The following SUPT3H variants were observed in gnomAD, a reference collection of about 807,000 sequenced individuals.
SUPT3H encodes SPT3 homolog, SAGA and STAGA complex component.
In SUPT3H, 44 loss-of-function variants were observed where a neutral mutation model predicts 44.3. The ratio of observed to expected loss-of-function variants is 0.99; its 90% CI spans 0.78 to 1.28. The LOEUF is 1.28. Ranked by LOEUF, SUPT3H falls within the 50% of genes most tolerant of loss-of-function variation. The pLI is 0.00. For synonymous variants in SUPT3H, 124 were observed against 125.6 expected (o/e 0.99, Z 0.09); for missense variants, 380 against 387.1 (o/e 0.98, Z 0.15).
chr6:45,208,134 C>A (rs926216731), intron 2 of SUPT3H, among the ~76,000 whole-genome samples: 8 of 152,148 alleles, frequency 5.3e-5, no homozygotes, highest in Non-Finnish European at 1.2e-4. Context: ...AACTTCATTG[C>A]TGATATGGAG....
intron 2 of SUPT3H, among the ~76,000 whole-genome samples, chr6:45,302,796 T>C (rs1041765193): frequency 6.6e-6 from 1 of 152,110 alleles, no homozygotes; most frequent in Non-Finnish European, 1.5e-5. Context: ...CTAGTTTACA[T>C]TCCCAACAGC....
At chr6:45,304,975 T>C (rs1390764400) in intron 2 of SUPT3H, among the ~76,000 whole-genome samples, 1 of 152,232 alleles carries the variant, frequency 6.6e-6, no homozygotes, top group African/African-American at 2.4e-5. Flanking sequence ...TGGCCTGATC[T>C]TCTTTTTGAA....
At chr6:44,902,797 A>C (rs1299801853) in intron 10 of SUPT3H, among the ~76,000 whole-genome samples, 1 of 152,210 alleles carries the variant, frequency 6.6e-6, no homozygotes, top group Non-Finnish European at 1.5e-5. Context: ...ACTCCTCAGC[A>C]AATGCAAAAG....
At chr6:45,147,780 G>A (rs536969597) in intron 2 of SUPT3H, among the ~76,000 whole-genome samples, 2 of 152,004 alleles carry the variant, frequency 1.3e-5, no homozygotes, top group Admixed American at 1.3e-4. Flanking sequence ...AAATCTTAGT[G>A]CTAGAAACAG....
chr6:45,139,169 C>T (rs1172632621), intron 2 of SUPT3H, among the ~76,000 whole-genome samples: 1 of 152,020 alleles, frequency 6.6e-6, no homozygotes, highest in East Asian at 1.9e-4. Flanking sequence ...AAAATCAAAG[C>T]TAAAGTTTTA....
At chr6:45,217,595 T>A (rs901751613) in intron 2 of SUPT3H, among the ~76,000 whole-genome samples, 1 of 151,918 alleles carries the variant, frequency 6.6e-6, no homozygotes, top group Non-Finnish European at 1.5e-5. Flanking sequence ...TCAAAAATAC[T>A]ATATATTTTA....
chr6:45,119,016 T>A (rs1801227789), intron 2 of SUPT3H, among the ~76,000 whole-genome samples: 1 of 152,178 alleles, frequency 6.6e-6, no homozygotes, highest in Non-Finnish European at 1.5e-5. Flanking sequence ...AGTTGAGTTA[T>A]CATAGATCAG....
At chr6:45,368,911 G>A (rs367630323) in intron 1 of SUPT3H, among the ~76,000 whole-genome samples, 5 of 151,692 alleles carry the variant, frequency 3.3e-5, no homozygotes, top group African/African-American at 7.3e-5. Flanking sequence ...CTGAGTTTTC[G>A]TTTTGTTGTT....
chr6:45,258,879 A>G (rs1201361743), intron 2 of SUPT3H, among the ~76,000 whole-genome samples: 4 of 152,142 alleles, frequency 2.6e-5, no homozygotes, highest in South Asian at 4.1e-4. Context: ...CTTCCAATAA[A>G]ATGTCACTTA....
At chr6:44,931,708 C>T (rs1770621689) in intron 10 of SUPT3H, among the ~76,000 whole-genome samples, 1 of 151,762 alleles carries the variant, frequency 6.6e-6, no homozygotes, top group Admixed American at 6.6e-5. Flanking sequence ...GAGAATCTAT[C>T]TACATAATTA....
At chr6:45,348,796 C>A (rs1046255145) in intron 2 of SUPT3H, among the ~76,000 whole-genome samples, 8 of 152,070 alleles carry the variant, frequency 5.3e-5, no homozygotes, top group Non-Finnish European at 5.9e-5. Flanking sequence ...ATTTCCTCTT[C>A]CCACAACTCT....
chr6:44,911,800 G>A (rs1767094881), intron 10 of SUPT3H, among the ~76,000 whole-genome samples: 1 of 152,168 alleles, frequency 6.6e-6, no homozygotes, highest in African/African-American at 2.4e-5. Flanking sequence ...TGTGGATACT[G>A]TGTTAATTTG....
chr6:45,062,874 A>G (rs1050864072), intron 3 of SUPT3H, among the ~76,000 whole-genome samples: 4 of 152,036 alleles, frequency 2.6e-5, no homozygotes, highest in African/African-American at 9.7e-5. Flanking sequence ...GGCGGCAGCG[A>G]GGCTGGGGGA....
intron 10 of SUPT3H, among the ~76,000 whole-genome samples, chr6:44,906,530 G>A (rs904288927): frequency 6.6e-6 from 1 of 152,172 alleles, no homozygotes; most frequent in South Asian, 2.1e-4. Flanking sequence ...TTGGGAGGCC[G>A]AGTTGGGCGG....
At chr6:45,050,878 A>AGTTTT (rs1554221249) in intron 3 of SUPT3H, among the ~76,000 whole-genome samples, 1 of 86,164 alleles carries the variant, frequency 1.2e-5, no homozygotes, top group African/African-American at 4.3e-5. Flanking sequence ...AGGGTATGGG[A>AGTTTT]TTTTTTTTTT....
At chr6:44,870,613 AAAG>A (rs1776235470) in intron 10 of SUPT3H, among the ~76,000 whole-genome samples, 2 of 151,466 alleles carry the variant, frequency 1.3e-5, no homozygotes, top group Non-Finnish European at 2.9e-5. Flanking sequence ...AAAAAAAAAA[AAAG>A]AAAGAAAAAG....
chr6:45,088,466 T>C (rs1420563656), intron 3 of SUPT3H, among the ~76,000 whole-genome samples: 3 of 152,050 alleles, frequency 2.0e-5, no homozygotes, highest in Non-Finnish European at 4.4e-5. Flanking sequence ...GTTAGGTCAT[T>C]TACACACATT....
intron 2 of SUPT3H, among the ~76,000 whole-genome samples, chr6:45,117,757 T>C (rs1203624304): frequency 6.6e-6 from 1 of 152,098 alleles, no homozygotes; most frequent in East Asian, 1.9e-4. Context: ...TGACTGCCAG[T>C]AGGAGAACAC....
At chr6:44,934,332 C>T (rs1562078812) in intron 9 of SUPT3H, among the ~76,000 whole-genome samples, 1 of 152,122 alleles carries the variant, frequency 6.6e-6, no homozygotes, top group Non-Finnish European at 1.5e-5. Context: ...CATAAGGATA[C>T]TTACTATAGT....
Sources: allele counts gnomAD v4.1 joint callset (sites outside exome capture counted in the v4.1 genomes callset), GRCh38; gene constraint gnomAD v4.1.1; transcripts MANE v1.5; gene names NCBI Gene and HGNC (gene_info 2026-07-23, HGNC 2026-07-21).